GPHN: variants seen among roughly 807,000 people sequenced by gnomAD.
GPHN encodes gephyrin.
In GPHN, 17 loss-of-function variants were observed where a neutral mutation model predicts 95.5. That is an observed-to-expected ratio of 0.18 (90% CI 0.12 to 0.27). The LOEUF (loss-of-function observed/expected upper bound fraction) is 0.27, where lower values mean the gene tolerates loss of function less well. Ranked by LOEUF, GPHN falls within the 10% of genes least tolerant of loss-of-function variation. The pLI is 1.00. For synonymous variants in GPHN, 320 were observed against 322.5 expected (o/e 0.99, Z 0.08); for missense variants, 660 against 978.1 (o/e 0.67, Z 4.34).
chr14:66,560,689 AG>A lies in GPHN; in HGVS notation c.64+52101del, dbSNP rs201491019. On this transcript the variant is annotated intron_variant, in intron 1 of 22. Transcript: ENST00000478722. Reference sequence around the variant, plus strand: ...ATATGCGATCATGTCATCTGCAAACAGGGACAATTTGACTTCCTCTTTTCCT... The same window carrying A: ...ATATGCGATCATGTCATCTGCAAACAGGACAATTTGACTTCCTCTTTTCCT... 8.2e-3 allele frequency among the ~76,000 whole-genome samples: 1,252 copies of A among 152,338 alleles called. 16 individuals carry two copies. The highest frequency in any genetic ancestry group is 0.055 in the East Asian group (285 of 5,188).
At chr14:67,663,157 T>C in the GPHN span, 3 of 1,533,236 alleles carry the variant, frequency 2.0e-6, no homozygotes, top group Non-Finnish European at 2.6e-6. Context: ...TTTGGTTGAG[T>C]GTATCTTTAA....
At chr14:66,954,567 T>A (rs2068352655) in intron 8 of GPHN, among the ~76,000 whole-genome samples, 2 of 152,248 alleles carry the variant, frequency 1.3e-5, no homozygotes, top group Non-Finnish European at 1.5e-5. Flanking sequence ...TAAAACCATG[T>A]CATCTGTGAA....
At chr14:67,581,297 CACA>C in the GPHN span, among the ~76,000 whole-genome samples, 6 of 151,290 alleles carry the variant, frequency 4.0e-5, no homozygotes, top group Admixed American at 4.0e-4. Flanking sequence ...CACACACACA[CACA>C]AACATCTGCC....
chr14:67,231,703 C>T, the GPHN span, among the ~76,000 whole-genome samples: 4 of 152,162 alleles, frequency 2.6e-5, no homozygotes, highest in Non-Finnish European at 5.9e-5. Context: ...CTCAGTGGCT[C>T]ACGCCTGTAA....
At chr14:67,096,103 A>G (rs1022434195) in intron 12 of GPHN, among the ~76,000 whole-genome samples, 12 of 152,172 alleles carry the variant, frequency 7.9e-5, no homozygotes, top group African/African-American at 2.4e-4. Flanking sequence ...AATAAGAAAA[A>G]TGACTCCTCT....
the GPHN span, chr14:67,488,390 C>G: frequency 2.0e-5 from 3 of 152,300 alleles, no homozygotes; most frequent in Non-Finnish European, 2.9e-5. Flanking sequence ...CCTGGGTCTC[C>G]CCCCGGGGCC....
Position 66,728,740 on chromosome 14 carries a change from A to G in GPHN, c.143+47555A>G, listed in dbSNP as rs575209177. 2.0e-5 allele frequency among the ~76,000 whole-genome samples: 3 copies of G among 152,320 alleles called. No individual in the cohort carries two copies. The East Asian group carries it at 5.8e-4, about 29-fold the overall frequency. Reference sequence around the variant, plus strand: ...CTTTTGATTTTACTGGCTCATAGGTAAAAGGGACTTGCCTTATCTCAGATG... The same window carrying G: ...CTTTTGATTTTACTGGCTCATAGGTGAAAGGGACTTGCCTTATCTCAGATG... On this transcript the variant is annotated intron_variant, in intron 2 of 22. Transcript: ENST00000478722.
At chr14:67,642,328 T>C in the GPHN span, 3 of 1,613,938 alleles carry the variant, frequency 1.9e-6, no homozygotes, top group African/African-American at 4.0e-5. Context: ...CTGTGTCAGA[T>C]GGCTACAGCT....
At chr14:67,330,802 T>G in the GPHN span, among the ~76,000 whole-genome samples, 44 of 152,336 alleles carry the variant, frequency 2.9e-4, no homozygotes, top group African/African-American at 1.0e-3. Flanking sequence ...AGAAGTATGT[T>G]ATATAGTTTC....
chr14:67,118,897 G>A (rs2078854491), intron 16 of GPHN, among the ~76,000 whole-genome samples: 1 of 152,150 alleles, frequency 6.6e-6, no homozygotes, highest in Admixed American at 6.5e-5. Flanking sequence ...ATATTTTGGG[G>A]TAGTATATTC....
chr14:67,290,122 C>CT, the GPHN span, among the ~76,000 whole-genome samples: 1 of 151,914 alleles, frequency 6.6e-6, no homozygotes, highest in African/African-American at 2.4e-5. Flanking sequence ...TGTATGTGCT[C>CT]TAAGTTTTTC....
chr14:66,524,835 T>C (rs1241497311), intron 1 of GPHN, among the ~76,000 whole-genome samples: 1 of 152,200 alleles, frequency 6.6e-6, no homozygotes, highest in Non-Finnish European at 1.5e-5. Flanking sequence ...ACTCATCCTT[T>C]TTTTATGGCT....
At chr14:67,451,848 C>T in the GPHN span, among the ~76,000 whole-genome samples, 2 of 152,080 alleles carry the variant, frequency 1.3e-5, no homozygotes, top group African/African-American at 2.4e-5. Flanking sequence ...ATAGGAGATT[C>T]GGGAGGGGCC....
chr14:66,940,408 A>G (rs2067358499), intron 8 of GPHN, among the ~76,000 whole-genome samples: 2 of 152,000 alleles, frequency 1.3e-5, no homozygotes, highest in Admixed American at 1.3e-4. Context: ...TGAGGGAGGG[A>G]AAGTGAGGTG....
chr14:67,345,709 C>G, the GPHN span: 1 of 1,168,236 alleles, frequency 8.6e-7, no homozygotes, highest in Non-Finnish European at 1.3e-6. Context: ...ACCTGACTCT[C>G]CTCCACTTGA....
the GPHN span, among the ~76,000 whole-genome samples, chr14:67,286,618 G>A: frequency 6.6e-6 from 1 of 152,006 alleles, no homozygotes; most frequent in African/African-American, 2.4e-5. Flanking sequence ...CACTTTGGGA[G>A]GCCGAGGTGG....
At chr14:67,649,537 TTGA>T in the GPHN span, 1 of 152,104 alleles carries the variant, frequency 6.6e-6, no homozygotes, top group Non-Finnish European at 1.5e-5. Flanking sequence ...AGTGCAAACT[TTGA>T]TGACCACTTC....
chr14:66,561,873 G>A (rs148847773), intron 1 of GPHN, among the ~76,000 whole-genome samples: 303 of 152,154 alleles, frequency 2.0e-3, no homozygotes, highest in Non-Finnish European at 3.3e-3. Flanking sequence ...CTGGGGGCTC[G>A]CAGGGAGAAT....
intron 9 of GPHN, among the ~76,000 whole-genome samples, chr14:66,984,089 CTG>C: frequency 6.6e-6 from 1 of 152,256 alleles, no homozygotes; most frequent in Admixed American, 6.5e-5. Flanking sequence ...TCACTTATTA[CTG>C]TGTAAGTTCA....
Sources: gnomAD v4.1 joint callset for allele counts (sites outside exome capture counted in the v4.1 genomes callset) on GRCh38, gnomAD v4.1.1 for gene constraint, MANE v1.5 for transcripts, NCBI Gene and HGNC (gene_info 2026-07-23, HGNC 2026-07-21) for gene names.